NEGR1: variants seen among roughly 807,000 people sequenced by gnomAD.
NEGR1 encodes the protein IgLON family member 4.
A neutral mutation model predicts 40.9 loss-of-function variants in NEGR1; 10 were observed. That is an observed-to-expected ratio of 0.24 (90% CI 0.15 to 0.42). NEGR1 has a LOEUF of 0.42. Among genes scored for constraint, NEGR1 ranks in the 10% least tolerant of loss-of-function variants. The pLI is 1.00. For missense variants in NEGR1, 352 were observed against 438.9 expected (o/e 0.80, Z 1.77); for synonymous variants, 185 against 166.8 (o/e 1.11, Z -0.84).
At chr1:72,253,925 A>C (rs1234967644) in intron 1 of NEGR1, among the ~76,000 whole-genome samples, 1 of 152,222 alleles carries the variant, frequency 6.6e-6, no homozygotes, top group Non-Finnish European at 1.5e-5. Flanking sequence ...TTAATAAGTC[A>C]TATAATTTTT....
At chr1:71,622,996 C>T (rs1650657741) in intron 4 of NEGR1, among the ~76,000 whole-genome samples, 1 of 151,782 alleles carries the variant, frequency 6.6e-6, no homozygotes, top group Admixed American at 6.6e-5. Flanking sequence ...TAAAAAAGAA[C>T]ATTTAAAAAG....
intron 5 of NEGR1, among the ~76,000 whole-genome samples, chr1:71,596,777 T>C (rs1280332068): frequency 2.0e-5 from 3 of 152,176 alleles, no homozygotes; most frequent in Admixed American, 1.3e-4. Context: ...AGAAACCAAC[T>C]TGCAGATGAA....
intron 1 of NEGR1, among the ~76,000 whole-genome samples, chr1:72,198,550 C>A (rs749013996): frequency 2.0e-5 from 3 of 151,962 alleles, no homozygotes; most frequent in Admixed American, 1.3e-4. Context: ...TCTTTTTTAA[C>A]GTACAGCCAT....
rs1284826350 is a variant in NEGR1, at chr1:71,570,328, C to T, written c.940+22489G>A. 5.3e-5 allele frequency among the ~76,000 whole-genome samples: 8 copies of T among 152,208 alleles called. No individual in the cohort carries two copies. In the South Asian group the frequency reaches 1.7e-3, roughly 32 times the overall value. On this transcript the variant is annotated intron_variant, in intron 6 of 6. Coordinates refer to ENST00000357731, the MANE Select transcript of NEGR1 (RefSeq NM_173808.3). ...TCCTGTAGAACTATAAATTTGTCCT[C>T]CTTGCTTAAAACTATAGCTCATTGG...
chr1:71,650,287 T>C (rs1471625901), intron 4 of NEGR1, among the ~76,000 whole-genome samples: 1 of 152,120 alleles, frequency 6.6e-6, no homozygotes, highest in East Asian at 1.9e-4. Flanking sequence ...GCCAGCTCCT[T>C]TCTGGTTTGA....
intron 2 of NEGR1, among the ~76,000 whole-genome samples, chr1:71,911,094 T>C (rs527912748): frequency 6.0e-4 from 91 of 152,318 alleles, no homozygotes; most frequent in African/African-American, 2.1e-3. Flanking sequence ...TTCTATTTTT[T>C]ATTGAAATCA....
intron 1 of NEGR1, among the ~76,000 whole-genome samples, chr1:72,239,262 A>G (rs1164013379): frequency 6.6e-6 from 1 of 151,864 alleles, no homozygotes; most frequent in Non-Finnish European, 1.5e-5. Flanking sequence ...TTTATCCCTA[A>G]GTATATCAAA....
intron 2 of NEGR1, among the ~76,000 whole-genome samples, chr1:71,835,138 T>C (rs1658982787): frequency 6.6e-6 from 1 of 152,118 alleles, no homozygotes; most frequent in South Asian, 2.1e-4. Flanking sequence ...TGTGTTTCTA[T>C]CTGTTTTTCT....
intron 3 of NEGR1, among the ~76,000 whole-genome samples, chr1:71,703,986 T>C (rs1653798519): frequency 6.6e-6 from 1 of 151,796 alleles, no homozygotes; most frequent in Non-Finnish European, 1.5e-5. Context: ...ATAAAAATCA[T>C]ACAAAAGAAT....
intron 4 of NEGR1, among the ~76,000 whole-genome samples, chr1:71,639,473 G>C (rs1365276572): frequency 6.6e-6 from 1 of 152,020 alleles, no homozygotes; most frequent in African/African-American, 2.4e-5. Flanking sequence ...CTCAATCTCT[G>C]TGTTTCAGGC....
At chr1:71,644,577 T>C (rs1332813617) in intron 4 of NEGR1, among the ~76,000 whole-genome samples, 10 of 151,972 alleles carry the variant, frequency 6.6e-5, no homozygotes, top group Non-Finnish European at 1.5e-4. Flanking sequence ...GTCTGACATA[T>C]GATAAGTACT....
chr1:71,618,234 C>A, intron 4 of NEGR1, among the ~76,000 whole-genome samples: 1 of 152,208 alleles, frequency 6.6e-6, no homozygotes, highest in South Asian at 2.1e-4. Context: ...CAAAAGACAC[C>A]CGAACTAGGA....
intron 1 of NEGR1, among the ~76,000 whole-genome samples, chr1:72,016,293 TA>T (rs1264261257): frequency 6.6e-6 from 1 of 152,140 alleles, no homozygotes; most frequent in Non-Finnish European, 1.5e-5. Context: ...ATGTAATCAT[TA>T]AAAAAGCCAC....
chr1:72,019,744 C>T (rs1169600583), intron 1 of NEGR1, among the ~76,000 whole-genome samples: 1 of 152,170 alleles, frequency 6.6e-6, no homozygotes, highest in East Asian at 1.9e-4. Flanking sequence ...TTCAATGCAT[C>T]ACTGTAAATT....
chr1:71,934,425 T>A (rs973254571), intron 2 of NEGR1, among the ~76,000 whole-genome samples: 3 of 152,126 alleles, frequency 2.0e-5, no homozygotes, highest in Admixed American at 1.3e-4. Flanking sequence ...TAAACCATTG[T>A]GTACATATTT....
intron 1 of NEGR1, among the ~76,000 whole-genome samples, chr1:72,258,143 C>T (rs1180855491): frequency 1.3e-5 from 2 of 152,168 alleles, no homozygotes; most frequent in East Asian, 3.9e-4. Context: ...TAGTTCTCAA[C>T]TCAGGGTGAT....
intron 1 of NEGR1, among the ~76,000 whole-genome samples, chr1:72,172,043 G>T (rs1250442873): frequency 2.6e-5 from 4 of 152,030 alleles, no homozygotes; most frequent in African/African-American, 9.7e-5. Context: ...GAAATTGAAG[G>T]AAAAAAGTAG....
chr1:71,943,775 AATG>A (rs1645993663), intron 1 of NEGR1, among the ~76,000 whole-genome samples: 1 of 152,158 alleles, frequency 6.6e-6, no homozygotes, highest in Non-Finnish European at 1.5e-5. Flanking sequence ...TCATTTGCAG[AATG>A]ATTACTATGG....
chr1:72,143,914 A>ATATATATAATATAT (rs1491498187), intron 1 of NEGR1, among the ~76,000 whole-genome samples: 2 of 130,614 alleles, frequency 1.5e-5, no homozygotes, highest in African/African-American at 5.9e-5. Context: ...TGATATATAT[A>ATATATATAATATAT]ATATATATAT....
Sources: allele counts gnomAD v4.1 joint callset (sites outside exome capture counted in the v4.1 genomes callset), GRCh38; gene constraint gnomAD v4.1.1; transcripts MANE v1.5; gene names NCBI Gene and HGNC (gene_info 2026-07-23, HGNC 2026-07-21).